NRXN3: variants seen among roughly 807,000 people sequenced by gnomAD.
NRXN3 encodes the protein neurexin 3.
In NRXN3, 32 loss-of-function variants were observed where a neutral mutation model predicts 137.6. The ratio of observed to expected loss-of-function variants is 0.23; its 90% CI spans 0.18 to 0.31. The LOEUF is 0.31. NRXN3 is among the 10% of genes least tolerant of loss of function. NRXN3 has a pLI of 1.00. For synonymous variants in NRXN3, 798 were observed against 784.5 expected (o/e 1.02, Z -0.29); for missense variants, 1,574 against 2,062.5 (o/e 0.76, Z 4.59).
chr14:78,353,552 A>T (rs181900319), intron 4 of NRXN3, among the ~76,000 whole-genome samples: 18 of 152,240 alleles, frequency 1.2e-4, no homozygotes, highest in Non-Finnish European at 2.4e-4. Flanking sequence ...CTGGGGTCAC[A>T]TTGGTGATCA....
rs75258637 is a variant in NRXN3 at position 79,112,102 on chromosome 14, A to T, written c.3262+123961A>T. 2.7e-4 allele frequency among the ~76,000 whole-genome samples: 41 copies of T among 152,318 alleles called. No homozygotes were observed. The East Asian group carries it at 7.5e-3, about 28-fold the overall frequency. On this transcript the variant is annotated intron_variant, in intron 15 of 20. Coordinates refer to ENST00000335750, the MANE Select transcript of NRXN3 (RefSeq NM_001330195.2). ...TATGGTATTCTATCATTTTATTTTT[A>T]AAAAATATGCTGAGTACATAAACAT...
chr14:78,457,191 A>G (rs2094766855), intron 4 of NRXN3, among the ~76,000 whole-genome samples: 1 of 151,788 alleles, frequency 6.6e-6, no homozygotes, highest in East Asian at 2.0e-4. Context: ...AGTGCACACC[A>G]CCACACTCAG....
rs17109065 is a variant in NRXN3 at position 79,321,608 on chromosome 14, A to G, written c.3263-145613A>G. Among the ~76,000 whole-genome samples the G allele has an allele frequency of 6.5e-3, 995 of 151,986 alleles. 10 individuals carry two copies. The highest frequency in any genetic ancestry group is 0.022 in the African/African-American group (913 of 41,494). ...TCAGGTATTTGCAAGATGACCTGGA[A>G]TATCTTGGAAGTTATTATATGTAAA... On this transcript the variant is annotated intron_variant, in intron 15 of 20. Transcript: ENST00000335750.
At chr14:78,780,951 G>C (rs1356248141) in intron 8 of NRXN3, among the ~76,000 whole-genome samples, 1 of 152,116 alleles carries the variant, frequency 6.6e-6, no homozygotes, top group Non-Finnish European at 1.5e-5. Context: ...AAACACTTAA[G>C]GGAAACTCTC....
intron 3 of NRXN3, among the ~76,000 whole-genome samples, chr14:78,281,299 C>CT (rs2074374499): frequency 1.3e-5 from 2 of 152,238 alleles, no homozygotes; most frequent in South Asian, 4.1e-4. Context: ...CAGCAGTTCT[C>CT]TGACTCTTTT....
chr14:79,147,293 G>A (rs1016399179), intron 15 of NRXN3, among the ~76,000 whole-genome samples: 1 of 152,114 alleles, frequency 6.6e-6, no homozygotes, highest in Admixed American at 6.6e-5. Context: ...AGTATCATTG[G>A]TAATTTCTAT....
chr14:79,144,384 A>G (rs768830642), intron 15 of NRXN3, among the ~76,000 whole-genome samples: 3 of 152,162 alleles, frequency 2.0e-5, no homozygotes, highest in East Asian at 1.9e-4. Flanking sequence ...ACTCGGATGC[A>G]TGTCTCCTGA....
At chr14:79,244,833 G>A (rs551345821) in intron 15 of NRXN3, among the ~76,000 whole-genome samples, 1 of 152,244 alleles carries the variant, frequency 6.6e-6, no homozygotes, top group South Asian at 2.1e-4. Context: ...TCATTTGTAT[G>A]TATCTTTTAA....
At chr14:78,992,924 A>G (rs1284095629) in intron 15 of NRXN3, among the ~76,000 whole-genome samples, 1 of 152,130 alleles carries the variant, frequency 6.6e-6, no homozygotes, top group African/African-American at 2.4e-5. Flanking sequence ...GGTGAAGTAA[A>G]GGGAATGAAC....
chr14:78,529,060 C>T lies in NRXN3; in HGVS notation c.758-116060C>T, dbSNP rs184449229. 4.3e-4 allele frequency among the ~76,000 whole-genome samples: 66 copies of T among 152,224 alleles called. 1 individual carries two copies. The highest frequency in any genetic ancestry group is 1.6e-3 in the African/African-American group (66 of 41,548). ...ACACATGGCTCTTGACTCACAGTAT[C>T]GTTCTCTTCTTGCTAGTGGAGCTAA... On this transcript the variant is annotated intron_variant, in intron 4 of 20. Coordinates refer to ENST00000335750, the MANE Select transcript of NRXN3 (RefSeq NM_001330195.2).
At chr14:79,193,384 G>T (rs569264050) in intron 15 of NRXN3, among the ~76,000 whole-genome samples, 31 of 152,186 alleles carry the variant, frequency 2.0e-4, no homozygotes, top group Admixed American at 4.6e-4. Flanking sequence ...CAGAACAAGG[G>T]ATATGGTTAA....
At chr14:79,820,650 C>T (rs2099268876) in intron 20 of NRXN3, among the ~76,000 whole-genome samples, 1 of 152,028 alleles carries the variant, frequency 6.6e-6, no homozygotes, top group East Asian at 1.9e-4. Context: ...TTTTCTGCTC[C>T]CTCCATCCTC....
chr14:79,674,542 A>G (rs766268374), intron 17 of NRXN3, among the ~76,000 whole-genome samples: 1 of 151,946 alleles, frequency 6.6e-6, no homozygotes, highest in Non-Finnish European at 1.5e-5. Context: ...TTCCACACAG[A>G]TATGTTTGCC....
In NRXN3 at chr14:78,687,231, A is replaced by G. The variant is rs79368335; in HGVS notation, c.1222-21986A>G. 6.6e-3 allele frequency among the ~76,000 whole-genome samples: 1,005 copies of G among 152,348 alleles called. 15 individuals carry two copies. Among genetic ancestry groups the G allele is most frequent in the African/African-American group, 0.023 (963 of 41,588 alleles). On this transcript the variant is annotated intron_variant, in intron 6 of 20. Coordinates refer to ENST00000335750, the MANE Select transcript of NRXN3 (RefSeq NM_001330195.2). ...AAGTTTGGATTTTATTCTGGTTACAATGAAAAAGCCATCAAGCGCTATTTA... is the reference window on the plus strand; with the variant it reads ...AAGTTTGGATTTTATTCTGGTTACAGTGAAAAAGCCATCAAGCGCTATTTA...
chr14:78,929,308 A>G (rs961479219), intron 10 of NRXN3, among the ~76,000 whole-genome samples: 4 of 152,086 alleles, frequency 2.6e-5, no homozygotes, highest in Non-Finnish European at 5.9e-5. Flanking sequence ...TCACCCAATA[A>G]TTAAGCCTAG....
At chr14:79,043,126 G>T (rs371967059) in intron 15 of NRXN3, among the ~76,000 whole-genome samples, 1 of 152,140 alleles carries the variant, frequency 6.6e-6, no homozygotes, top group South Asian at 2.1e-4. Flanking sequence ...TAAAGAAAAT[G>T]AAAGTGGTGG....
intron 15 of NRXN3, among the ~76,000 whole-genome samples, chr14:79,301,133 G>A (rs1373063648): frequency 6.6e-6 from 1 of 151,388 alleles, no homozygotes; most frequent in Non-Finnish European, 1.5e-5. Flanking sequence ...ATGCTATATA[G>A]TTTTGTTGCA....
At chr14:78,433,112 G>A (rs914515648) in intron 4 of NRXN3, among the ~76,000 whole-genome samples, 2 of 152,112 alleles carry the variant, frequency 1.3e-5, no homozygotes, top group African/African-American at 4.8e-5. Context: ...CAGATTCTGG[G>A]AAGAACCCCT....
At chr14:79,702,926 G>GAAA (rs35832451) in intron 19 of NRXN3, among the ~76,000 whole-genome samples, 2 of 129,398 alleles carry the variant, frequency 1.5e-5, no homozygotes, top group African/African-American at 6.0e-5. Context: ...GTTATCAGCA[G>GAAA]AAAAAAAAAA....
Sources: gnomAD v4.1 joint callset for allele counts (sites outside exome capture counted in the v4.1 genomes callset) on GRCh38, gnomAD v4.1.1 for gene constraint, MANE v1.5 for transcripts, NCBI Gene and HGNC (gene_info 2026-07-23, HGNC 2026-07-21) for gene names.